The following ZCWPW2 variants were observed in gnomAD, a reference collection of about 807,000 sequenced individuals.
ZCWPW2 encodes the protein zinc finger CW-type and PWWP domain containing 2, also known as zinc finger CW-type PWWP domain protein 2.
In ZCWPW2, 45 loss-of-function variants were observed where a neutral mutation model predicts 46.6. The observed-to-expected ratio is 0.96, with a 90% CI of 0.76 to 1.24. The LOEUF is 1.24. Ranked by LOEUF, ZCWPW2 falls within the 50% of genes most tolerant of loss-of-function variation. The pLI is 0.00. For missense variants in ZCWPW2, 429 were observed against 403.9 expected, an observed-to-expected ratio of 1.06 and a Z score of -0.53; for synonymous variants, 152 against 137.1, an observed-to-expected ratio of 1.11 and a Z score of -0.76.
Position 28,515,517 on chromosome 3 carries a change from A to G in ZCWPW2, c.717-37A>G, listed in dbSNP as rs551687643. 5.3e-5 allele frequency: 78 copies of G among 1,469,518 alleles called. 1 individual carries two copies. The South Asian group carries it at 8.6e-4, about 16-fold the overall frequency. 91.0% of individuals were successfully genotyped at this position (1,469,518 alleles called of 1,614,324 possible). A position where few individuals can be genotyped will look rare whatever the true frequency, so the allele number is the denominator to read the frequency against. ...ATGGTCATTTAAATATTCATGATTG[A>G]TCTTTTGAAACTAAATCTGTCAAAT... On this transcript the variant is annotated intron_variant, in intron 7 of 9. Coordinates refer to ENST00000383768, the MANE Select transcript of ZCWPW2 (RefSeq NM_001040432.4).
intron 1 of ZCWPW2, among the ~76,000 whole-genome samples, chr3:28,375,756 T>C (rs1050208062): frequency 2.7e-5 from 4 of 150,436 alleles, no homozygotes; most frequent in Non-Finnish European, 4.4e-5. Flanking sequence ...TTTTTTGTGC[T>C]CATTAACTGT....
intron 1 of ZCWPW2, among the ~76,000 whole-genome samples, chr3:28,378,472 A>G (rs1705569494): frequency 6.6e-6 from 1 of 152,096 alleles, no homozygotes; most frequent in Non-Finnish European, 1.5e-5. Flanking sequence ...AGATACTGAA[A>G]TGGGTTTCAT....
intron 1 of ZCWPW2, 76 bp downstream of exon 1, chr3:28,349,279 A>C (rs1032540717): frequency 1.7e-5 from 15 of 889,080 alleles, no homozygotes; most frequent in Non-Finnish European, 1.9e-5. Flanking sequence ...CGTCTTTTTC[A>C]CTCAGTGTCC....
intron 1 of ZCWPW2, among the ~76,000 whole-genome samples, chr3:28,377,097 AT>A (rs1318260717): frequency 2.0e-5 from 3 of 151,404 alleles, no homozygotes; most frequent in Non-Finnish European, 4.4e-5. Flanking sequence ...TTTGTTAGTG[AT>A]TTCTTTAGAG....
At chr3:28,458,379 T>C (rs781116986) in intron 4 of ZCWPW2, among the ~76,000 whole-genome samples, 1 of 152,202 alleles carries the variant, frequency 6.6e-6, no homozygotes, top group Admixed American at 6.5e-5. Flanking sequence ...GTTTAAAATA[T>C]TAGGTTCATT....
intron 4 of ZCWPW2, among the ~76,000 whole-genome samples, chr3:28,467,365 T>A (rs1364813128): frequency 6.6e-6 from 1 of 151,710 alleles, no homozygotes; most frequent in African/African-American, 2.4e-5. Context: ...TATTTTACAG[T>A]CAGTAAGAAA....
chr3:28,379,579 A>G (rs1310023177), intron 1 of ZCWPW2, among the ~76,000 whole-genome samples: 1 of 152,194 alleles, frequency 6.6e-6, no homozygotes, highest in Non-Finnish European at 1.5e-5. Flanking sequence ...ACAAAAGTTT[A>G]GAAGGAAAAT....
At chr3:28,488,797 T>G (rs978125210) in intron 5 of ZCWPW2, among the ~76,000 whole-genome samples, 1 of 152,150 alleles carries the variant, frequency 6.6e-6, no homozygotes, top group Non-Finnish European at 1.5e-5. Flanking sequence ...TTTCACTCTT[T>G]ATGATGAGAG....
chr3:28,393,083 G>A lies in ZCWPW2; in HGVS notation c.-14+2466G>A, dbSNP rs79276344. Among the ~76,000 whole-genome samples, 18 of 151,684 alleles carry A rather than the reference G, an allele frequency of 1.2e-4. No individual in the cohort carries two copies. The East Asian group carries it at 3.1e-3, about 26-fold the overall frequency. On this transcript the variant is annotated intron_variant, in intron 2 of 9. Coordinates refer to ENST00000383768, the MANE Select transcript of ZCWPW2 (RefSeq NM_001040432.4). ...CTCAACTAAGAAAAAGGAGAGAGAA[G>A]ACTGAAATAAAATAAGAAATGAAAA...
chr3:28,385,387 A>ATTAATTT (rs1695233680), intron 1 of ZCWPW2, among the ~76,000 whole-genome samples: 4 of 152,168 alleles, frequency 2.6e-5, no homozygotes, highest in African/African-American at 9.7e-5. Context: ...TTAGAGAAAT[A>ATTAATTT]CCACCTCATC....
At chr3:28,506,175 CA>C (rs1700273315) in intron 6 of ZCWPW2, among the ~76,000 whole-genome samples, 1 of 149,488 alleles carries the variant, frequency 6.7e-6, no homozygotes, top group Non-Finnish European at 1.5e-5. Context: ...TTGTTTTTTA[CA>C]CTCAACAAGG....
intron 3 of ZCWPW2, among the ~76,000 whole-genome samples, chr3:28,431,536 C>A (rs1697258858): frequency 6.6e-6 from 1 of 151,986 alleles, no homozygotes; most frequent in Admixed American, 6.6e-5. Flanking sequence ...TAGGGCCTAC[C>A]CTAATGAACT....
rs530571509 is a variant in ZCWPW2, at chr3:28,357,817, A to G, written c.-134+8614A>G. On this transcript the variant is annotated intron_variant, in intron 1 of 9. Coordinates refer to ENST00000383768, the MANE Select transcript of ZCWPW2 (RefSeq NM_001040432.4). ...ATATTTTATATATATATATATATATATATCTCCATACATATATATCTGTGC... is the reference window on the plus strand; with the variant it reads ...ATATTTTATATATATATATATATATGTATCTCCATACATATATATCTGTGC... 4.8e-3 allele frequency among the ~76,000 whole-genome samples: 711 copies of G among 147,966 alleles called. 4 individuals carry two copies. The highest frequency in any genetic ancestry group is 7.2e-3 in the Non-Finnish European group (486 of 67,258).
At chr3:28,364,451 C>CT (rs763824634) in intron 1 of ZCWPW2, among the ~76,000 whole-genome samples, 2 of 151,672 alleles carry the variant, frequency 1.3e-5, no homozygotes, top group African/African-American at 2.4e-5. Flanking sequence ...CATACAATGA[C>CT]TTTTTTTTCC....
intron 2 of ZCWPW2, among the ~76,000 whole-genome samples, chr3:28,393,120 C>G (rs1695561645): frequency 1.3e-5 from 2 of 151,864 alleles, no homozygotes; most frequent in Non-Finnish European, 2.9e-5. Flanking sequence ...GGAGACATTA[C>G]AACAGATACC....
At position 28,519,840 on chromosome 3, in the gene ZCWPW2, A is replaced by G. The variant is rs993675552; in HGVS notation, c.785-1152A>G. Among the ~76,000 whole-genome samples, 22 of 152,202 alleles carry G rather than the reference A, an allele frequency of 1.4e-4. 1 individual carries two copies. Among genetic ancestry groups the G allele is most frequent in the African/African-American group, 5.3e-4 (22 of 41,466 alleles). ...CTTTCTTTGAAGCAAAGGCTTCACT[A>G]GGCCCTATATCAAATGAAAATGTTT... On this transcript the variant is annotated intron_variant, in intron 8 of 9. Coordinates refer to ENST00000383768, the MANE Select transcript of ZCWPW2 (RefSeq NM_001040432.4).
intron 6 of ZCWPW2, 87 bp downstream of exon 6, chr3:28,492,260 C>A: frequency 8.3e-7 from 1 of 1,203,852 alleles, no homozygotes; most frequent in Non-Finnish European, 1.1e-6. Flanking sequence ...TATTTAAAAA[C>A]AAACAATGAC....
chr3:28,523,373 A>T (rs1700772859), intron 9 of ZCWPW2, among the ~76,000 whole-genome samples: 1 of 152,196 alleles, frequency 6.6e-6, no homozygotes, highest in Non-Finnish European at 1.5e-5. Context: ...GTTTAAAAGT[A>T]AAGAAGTAAT....
intron 1 of ZCWPW2, among the ~76,000 whole-genome samples, chr3:28,381,597 G>T (rs1282336515): frequency 6.6e-6 from 1 of 152,006 alleles, no homozygotes. Context: ...ACCAGCCTGG[G>T]TGACACAGTG....
Sources: gnomAD v4.1 joint callset for allele counts (sites outside exome capture counted in the v4.1 genomes callset) on GRCh38, gnomAD v4.1.1 for gene constraint, MANE v1.5 for transcripts, NCBI Gene and HGNC (gene_info 2026-07-23, HGNC 2026-07-21) for gene names.